ADAMTSL1: variants seen among roughly 807,000 people sequenced by gnomAD.
The protein encoded by ADAMTSL1 is ADAMTS-like protein 1.
ADAMTSL1 carries 126 observed loss-of-function variants against 201.8 expected under a neutral mutation model. That is an observed-to-expected ratio of 0.62 (90% CI 0.54 to 0.72). The LOEUF (loss-of-function observed/expected upper bound fraction) is 0.72. Ranked by LOEUF, ADAMTSL1 falls within the 30% of genes least tolerant of loss-of-function variation. The probability of loss-of-function intolerance (pLI) is 0.00; values close to 1 mark genes in which losing one functional copy is unlikely to be tolerated. For synonymous variants in ADAMTSL1, 1,121 were observed against 903.4 expected, an observed-to-expected ratio of 1.24 and a Z score of -4.32; for missense variants, 2,679 against 2,277.8, an observed-to-expected ratio of 1.18 and a Z score of -3.59.
At chr9:18,492,467 T>C (rs1308564293) in intron 1 of ADAMTSL1, among the ~76,000 whole-genome samples, 1 of 152,166 alleles carries the variant, frequency 6.6e-6, no homozygotes, top group East Asian at 1.9e-4. Context: ...ATGCAGAAAA[T>C]TGTATTAGCA....
chr9:17,920,417 G>A (rs912196134), intron 1 of ADAMTSL1, among the ~76,000 whole-genome samples: 1 of 152,148 alleles, frequency 6.6e-6, no homozygotes. Context: ...AAAATAAAAT[G>A]TGTATGAAAG....
chr9:18,488,069 A>G (rs995613167), intron 1 of ADAMTSL1, among the ~76,000 whole-genome samples: 9 of 152,202 alleles, frequency 5.9e-5, no homozygotes, highest in African/African-American at 1.9e-4. Context: ...AGTCTTTCCA[A>G]TATCTAACGA....
intron 23 of ADAMTSL1, among the ~76,000 whole-genome samples, chr9:18,856,842 G>A (rs7033096): frequency 0.62 from 94,624 of 151,948 alleles, 31,115 homozygotes; most frequent in Non-Finnish European, 0.73. Flanking sequence ...AGTTGTCTGT[G>A]GTATTTAATG....
chr9:17,968,968 T>C lies in ADAMTSL1; in HGVS notation c.87+62046T>C, dbSNP rs145931561. Among the ~76,000 whole-genome samples the C allele has an allele frequency of 4.5e-3, 685 of 152,218 alleles. 7 individuals are homozygous for C. Among genetic ancestry groups the C allele is most frequent in the African/African-American group, 0.016 (648 of 41,566 alleles). On this transcript the variant is annotated intron_variant, in intron 1 of 29. Transcript: ENST00000680146. ...AGAAGATATTTCCAATGTGCTCGTC[T>C]AGGGTCTTTCTTTGAGGCCCCTTTT...
intron 20 of ADAMTSL1, among the ~76,000 whole-genome samples, chr9:18,810,456 A>G (rs897275590): frequency 6.6e-6 from 1 of 152,242 alleles, no homozygotes; most frequent in Non-Finnish European, 1.5e-5. Flanking sequence ...TGTGGGAGAA[A>G]ACAAAAAATA....
At chr9:17,998,785 T>A (rs1036066055) in intron 1 of ADAMTSL1, among the ~76,000 whole-genome samples, 1 of 152,004 alleles carries the variant, frequency 6.6e-6, no homozygotes, top group Non-Finnish European at 1.5e-5. Context: ...AGGTGACCTA[T>A]CAAGCCCTTT....
intron 2 of ADAMTSL1, among the ~76,000 whole-genome samples, chr9:18,180,240 A>T (rs1212607259): frequency 1.3e-5 from 2 of 152,216 alleles, no homozygotes; most frequent in Non-Finnish European, 2.9e-5. Context: ...TCTCCGATAA[A>T]ACAGACTTTA....
intron 1 of ADAMTSL1, among the ~76,000 whole-genome samples, chr9:18,019,064 T>G (rs1820376658): frequency 6.6e-6 from 1 of 151,992 alleles, no homozygotes; most frequent in Non-Finnish European, 1.5e-5. Flanking sequence ...TGCAGGAAAG[T>G]TAAGAAAATG....
chr9:18,394,151 A>C (rs1464660847), intron 2 of ADAMTSL1, among the ~76,000 whole-genome samples: 2 of 149,674 alleles, frequency 1.3e-5, no homozygotes, highest in Non-Finnish European at 3.0e-5. Context: ...CTTTAAAAGT[A>C]CAACTAGAAC....
chr9:18,312,120 A>G (rs1022696970), intron 2 of ADAMTSL1, among the ~76,000 whole-genome samples: 4 of 152,216 alleles, frequency 2.6e-5, no homozygotes, highest in East Asian at 1.9e-4. Flanking sequence ...AGTGGTGAAG[A>G]TGAAATTAGG....
At position 18,505,049 on chromosome 9, in the gene ADAMTSL1, T is replaced by C. The variant is rs530004896; in HGVS notation, c.191+93T>C. The C allele has an allele frequency of 4.2e-6, 6 of 1,436,884 alleles. No homozygotes were observed. In the Admixed American group the frequency reaches 1.6e-4, roughly 39 times the overall value. 89.0% of individuals were successfully genotyped at this position (1,436,884 alleles called of 1,614,324 possible). Reference sequence around the variant, plus strand: ...GATTGGGTTTATGGAGAACATTTTGTGGCTTACAGATCCAGATAAAAGAAA... The same window carrying C: ...GATTGGGTTTATGGAGAACATTTTGCGGCTTACAGATCCAGATAAAAGAAA... On this transcript the variant is annotated intron_variant, in intron 2 of 28. Transcript: ENST00000380548.
chr9:18,843,920 C>G (rs1259008961), intron 23 of ADAMTSL1, among the ~76,000 whole-genome samples: 2 of 152,010 alleles, frequency 1.3e-5, no homozygotes, highest in African/African-American at 4.8e-5. Flanking sequence ...ATTGGTTATT[C>G]TAGTTATACA....
At chr9:18,022,656 T>G (rs1820527439) in intron 1 of ADAMTSL1, among the ~76,000 whole-genome samples, 1 of 152,090 alleles carries the variant, frequency 6.6e-6, no homozygotes, top group African/African-American at 2.4e-5. Flanking sequence ...GAAACAGTCT[T>G]TACTAAGAAT....
chr9:18,149,894 G>T (rs545372599), intron 1 of ADAMTSL1, among the ~76,000 whole-genome samples: 1 of 152,114 alleles, frequency 6.6e-6, no homozygotes, highest in South Asian at 2.1e-4. Flanking sequence ...TTAATTTAAT[G>T]TAGAGGGAAA....
Position 18,382,849 on chromosome 9 carries a change from C to T in ADAMTSL1, c.208-121980C>T, listed in dbSNP as rs188230185. Reference sequence around the variant, plus strand: ...CAATGCTCATTATAACACAGCTCTGCGAGTCTGGTCCTCTGTACAGACTTC... The same window carrying T: ...CAATGCTCATTATAACACAGCTCTGTGAGTCTGGTCCTCTGTACAGACTTC... On this transcript the variant is annotated intron_variant, in intron 2 of 29. Coordinates refer to the ADAMTSL1 transcript ENST00000680146. Among the ~76,000 whole-genome samples, 289 of 152,260 alleles carry T rather than the reference C, an allele frequency of 1.9e-3. 3 individuals carry two copies. Among genetic ancestry groups the T allele is most frequent in the Non-Finnish European group, 3.6e-3 (246 of 68,020 alleles).
chr9:18,429,545 G>T (rs78929352), intron 2 of ADAMTSL1, among the ~76,000 whole-genome samples: 43 of 151,960 alleles, frequency 2.8e-4, no homozygotes, highest in African/African-American at 9.4e-4. Flanking sequence ...AATTAAAGTC[G>T]AATACCCAGA....
At chr9:18,555,271 T>C (rs76517283) in intron 3 of ADAMTSL1, among the ~76,000 whole-genome samples, 7,653 of 151,988 alleles carry the variant, frequency 0.05, 280 homozygotes, top group African/African-American at 0.11. Context: ...CACCAGAAAC[T>C]GGCAGATCCT....
rs1243749843 is a variant in ADAMTSL1, at chr9:18,254,262, C to G, written c.207+90281C>G. ...GTCATCATTATTATTTGAGGGCTAA[C>G]ATTTACGGACGGGTGGCCACGTTTT... On this transcript the variant is annotated intron_variant, in intron 2 of 29. Coordinates refer to the ADAMTSL1 transcript ENST00000680146. Among the ~76,000 whole-genome samples, 5 of 144,408 alleles carry G rather than the reference C, an allele frequency of 3.5e-5. No individual in the cohort carries two copies. In the East Asian group the frequency reaches 1.1e-3, roughly 33 times the overall value. The allele number at this position is 144,408 out of a possible 152,430, so 94.7% of individuals were successfully genotyped here. A position where few individuals can be genotyped will look rare whatever the true frequency, so the allele number is the denominator to read the frequency against.
chr9:18,844,638 G>T lies in ADAMTSL1; in HGVS notation c.4249+14661G>T, dbSNP rs550551608. On this transcript the variant is annotated intron_variant, in intron 23 of 28. Coordinates refer to ENST00000380548, the MANE Select transcript of ADAMTSL1 (RefSeq NM_001040272.6). ...TTTGTTTGTCTGTGCCCTGTCCCCA[G>T]AGGTGGAGCCTACAGAGGCAGGCAG... Among the ~76,000 whole-genome samples the T allele has an allele frequency of 3.2e-3, 495 of 152,352 alleles. 4 individuals carry two copies. Among genetic ancestry groups the T allele is most frequent in the African/African-American group, 0.011 (466 of 41,594 alleles).
Sources: allele counts gnomAD v4.1 joint callset (sites outside exome capture counted in the v4.1 genomes callset), GRCh38; gene constraint gnomAD v4.1.1; transcripts MANE v1.5; gene names NCBI Gene and HGNC (gene_info 2026-07-23, HGNC 2026-07-21).